MNAT1: variants seen among roughly 807,000 people sequenced by gnomAD.
MNAT1 encodes CDK-activating kinase assembly factor MAT1.
Under a neutral mutation model 42.0 loss-of-function variants are expected in MNAT1, and 43 were observed. The observed-to-expected ratio is 1.02, with a 90% CI of 0.80 to 1.32. The LOEUF (loss-of-function observed/expected upper bound fraction) is 1.32, where lower values mean the gene tolerates loss of function less well. MNAT1 is among the 40% of genes most tolerant of loss of function. The pLI, the probability that MNAT1 is intolerant of heterozygous loss-of-function variation, is 0.00. For missense variants in MNAT1, 306 were observed against 350.4 expected, an observed-to-expected ratio of 0.87 and a Z score of 1.01; for synonymous variants, 118 against 120.0, an observed-to-expected ratio of 0.98 and a Z score of 0.11.
intron 7 of MNAT1, among the ~76,000 whole-genome samples, chr14:60,883,650 T>C (rs1049264845): frequency 6.6e-6 from 1 of 152,288 alleles, no homozygotes; most frequent in Middle Eastern, 3.4e-3. Context: ...TTGCATTTAA[T>C]CTGTAGATTG....
rs1183448354 is a variant in MNAT1 at position 60,740,901 on chromosome 14, T to C, written c.89+5950T>C. Among the ~76,000 whole-genome samples, 1 of 152,210 alleles carries C rather than the reference T, an allele frequency of 6.6e-6. No homozygotes were observed. The highest frequency in any genetic ancestry group is 2.4e-5 in the African/African-American group (1 of 41,458). On this transcript the variant is annotated intron_variant, in intron 1 of 7. Transcript: ENST00000261245. The surrounding 1 kb of genome is among the most constrained non-coding windows in gnomAD (Gnocchi z 4.1). Reference sequence around the variant, plus strand: ...ATATTACCATACCCATCTTGGTTGATAGCATTACCAGATCTTCTGTATCTT... The same window carrying C: ...ATATTACCATACCCATCTTGGTTGACAGCATTACCAGATCTTCTGTATCTT...
chr14:60,946,148 A>G (rs915254029), intron 7 of MNAT1, among the ~76,000 whole-genome samples: 52 of 152,166 alleles, frequency 3.4e-4, no homozygotes, highest in African/African-American at 1.3e-3. Flanking sequence ...TCAGATTGAG[A>G]TCATCTTCTC....
rs557176610 is a variant in MNAT1 at position 60,819,002 on chromosome 14, A to T, written c.687+155A>T. The T allele has an allele frequency of 4.5e-5, 34 of 750,714 alleles. No individual in the cohort carries two copies. In the South Asian group the frequency reaches 9.7e-4, roughly 21 times the overall value. 46.5% of individuals were successfully genotyped at this position (750,714 alleles called of 1,614,324 possible). ...GTCTGGAAATATGGATGGGTGCAGT[A>T]TGAGGAAAGTGAAACAAATAATTTT... On this transcript the variant is annotated intron_variant, in intron 6 of 7. Transcript: ENST00000261245.
rs752090509 is a variant in MNAT1 at position 60,968,355 on chromosome 14, T to G, written c.*6T>G. The G allele has an allele frequency of 6.2e-7, 1 of 1,608,686 alleles. No individual in the cohort carries two copies. Among genetic ancestry groups the G allele is most frequent in the Non-Finnish European group, 8.5e-7 (1 of 1,178,586 alleles). ...TTTTCTGGCAGCCCAGTTAACCATTTATAAGATTTGGACCTTGGAGCTGAA... is the reference window on the plus strand; with the variant it reads ...TTTTCTGGCAGCCCAGTTAACCATTGATAAGATTTGGACCTTGGAGCTGAA... On this transcript the variant is annotated 3_prime_UTR_variant, in exon 8 of 8. Coordinates refer to ENST00000261245, the MANE Select transcript of MNAT1 (RefSeq NM_002431.4).
At chr14:60,779,866 T>C (rs1418917869) in intron 1 of MNAT1, 9 of 652,884 alleles carry the variant, frequency 1.4e-5, no homozygotes, top group Admixed American at 5.5e-5. Context: ...AAGTGGATGG[T>C]CTTTACTTTT....
intron 1 of MNAT1, among the ~76,000 whole-genome samples, chr14:60,747,516 A>G (rs2029886969): frequency 6.6e-6 from 1 of 152,194 alleles, no homozygotes. Context: ...ATCTAATTAT[A>G]TATAAACACA....
chr14:60,767,850 C>T (rs546353716), intron 1 of MNAT1, among the ~76,000 whole-genome samples: 5 of 152,110 alleles, frequency 3.3e-5, no homozygotes, highest in South Asian at 4.2e-4. Flanking sequence ...CTGCAACCTC[C>T]GCTCCCTGGT....
chr14:60,799,422 T>C (rs2032129669), intron 3 of MNAT1: 7 of 983,328 alleles, frequency 7.1e-6, no homozygotes, highest in Non-Finnish European at 8.5e-6. Context: ...ATATAGATAC[T>C]AAGTATAGGA....
At chr14:60,737,178 ATT>A (rs1406130721) in intron 1 of MNAT1, among the ~76,000 whole-genome samples, 2 of 152,162 alleles carry the variant, frequency 1.3e-5, no homozygotes, top group Non-Finnish European at 2.9e-5. Flanking sequence ...CATTTAAAAA[ATT>A]TAAAATTATA....
intron 1 of MNAT1, among the ~76,000 whole-genome samples, chr14:60,747,048 C>T (rs1300127936): frequency 7.0e-6 from 1 of 143,718 alleles, no homozygotes; most frequent in African/African-American, 2.6e-5. Flanking sequence ...TACAGTGGTG[C>T]GATCTCGGCT....
At position 60,937,240 on chromosome 14, in the gene MNAT1, G is replaced by A. The variant is rs1005898175; in HGVS notation, c.810-30989G>A. Among the ~76,000 whole-genome samples, 286 of 152,138 alleles carry A rather than the reference G, an allele frequency of 1.9e-3. 1 individual carries two copies. The highest frequency in any genetic ancestry group is 6.4e-3 in the African/African-American group (264 of 41,528). On this transcript the variant is annotated intron_variant, in intron 7 of 7. Transcript: ENST00000261245. ...AAGCTCTTTAGTTTAATTAGATCCTGTTTGTCAATTTTGGCTTTTGTTGCC... is the reference window on the plus strand; with the variant it reads ...AAGCTCTTTAGTTTAATTAGATCCTATTTGTCAATTTTGGCTTTTGTTGCC...
chr14:60,791,193 T>C (rs777663511), intron 1 of MNAT1, among the ~76,000 whole-genome samples: 18 of 152,200 alleles, frequency 1.2e-4, no homozygotes, highest in Non-Finnish European at 1.9e-4. Context: ...TGCTTGTTAG[T>C]TGAAAATTGC....
chr14:60,918,638 G>A (rs1838721902), intron 7 of MNAT1, among the ~76,000 whole-genome samples: 8 of 151,550 alleles, frequency 5.3e-5, no homozygotes, highest in Admixed American at 5.3e-4. Flanking sequence ...ATGAAAGGAT[G>A]TTGACACACG....
At chr14:60,857,248 A>G (rs1363593037) in intron 6 of MNAT1, among the ~76,000 whole-genome samples, 1 of 152,238 alleles carries the variant, frequency 6.6e-6, no homozygotes, top group Non-Finnish European at 1.5e-5. Context: ...CAACATTACT[A>G]GTTGATATTT....
intron 6 of MNAT1, among the ~76,000 whole-genome samples, chr14:60,834,163 C>G (rs1361348972): frequency 6.6e-6 from 1 of 152,106 alleles, no homozygotes; most frequent in Non-Finnish European, 1.5e-5. Context: ...TTTTGTGTCT[C>G]TATCTCCTTT....
intron 7 of MNAT1, among the ~76,000 whole-genome samples, chr14:60,917,433 C>T (rs906747416): frequency 1.3e-4 from 19 of 151,970 alleles, no homozygotes; most frequent in Admixed American, 9.8e-4. Context: ...TTAAATATAG[C>T]GCAATCAAAT....
chr14:60,818,743 G>A lies in MNAT1; in HGVS notation c.583G>A (p.Ala195Thr). The A allele has an allele frequency of 1.2e-6, 2 of 1,610,148 alleles. No homozygotes were observed. Among genetic ancestry groups the A allele is most frequent in the Non-Finnish European group, 8.5e-7 (1 of 1,177,422 alleles). Residue 195 changes from alanine to threonine, a missense_variant, in exon 6 of 8, where the codon GCT (alanine) becomes ACT (threonine). Physicochemically the swap from Ala to Thr is moderately conservative, Grantham distance 58. Around this residue, in one of 3 missense-constraint regions of MNAT1, gnomAD observed 116 missense variants for 139.6 expected, o/e 0.83. Transcript: ENST00000261245. ...ACAGGAGAGTTCTGATCTCCCTGTT[G>A]CTCTGCTTTTGGCTCAGCATAAAGA... The part of the protein sequence containing the change: ...DELESSDLPV[A>T]LLLAQHKDRS...
intron 7 of MNAT1, among the ~76,000 whole-genome samples, chr14:60,918,920 A>G (rs562897965): frequency 6.6e-6 from 1 of 151,768 alleles, no homozygotes; most frequent in South Asian, 2.1e-4. Flanking sequence ...TAACTCATAG[A>G]TTTTTGAGTT....
rs8003057 is a variant in MNAT1, at chr14:60,857,690, C to G, written c.688-22024C>G. The stretch of plus-strand genomic sequence containing the variant: ...GCTGTCCCCATCAACTTGTCATTTA[C>G]ATTAGTTATTTCTCCTAATGCTATC... On this transcript the variant is annotated intron_variant, in intron 6 of 7. Coordinates refer to ENST00000261245, the MANE Select transcript of MNAT1 (RefSeq NM_002431.4). Among the ~76,000 whole-genome samples, 484 of 152,178 alleles carry G rather than the reference C, an allele frequency of 3.2e-3. 5 individuals carry two copies. Among genetic ancestry groups the G allele is most frequent in the African/African-American group, 0.011 (464 of 41,520 alleles).
Sources: allele counts gnomAD v4.1 joint callset (sites outside exome capture counted in the v4.1 genomes callset), GRCh38; gene constraint gnomAD v4.1.1; regional missense constraint gnomAD v4.1.1; non-coding constraint Gnocchi (gnomAD v3.1); transcripts MANE v1.5; gene names NCBI Gene and HGNC (gene_info 2026-07-23, HGNC 2026-07-21).